The following CSMD3 variants were observed in gnomAD, a reference collection of about 807,000 sequenced individuals.
CSMD3 encodes CUB and sushi domain-containing protein 3.
CSMD3 carries 177 observed loss-of-function variants against 435.2 expected under a neutral mutation model. That is an observed-to-expected ratio of 0.41 (90% CI 0.36 to 0.46). The LOEUF (loss-of-function observed/expected upper bound fraction) is 0.46, where lower values mean the gene tolerates loss of function less well. Ranked by LOEUF, CSMD3 falls within the 20% of genes least tolerant of loss-of-function variation. The pLI is 0.34. For synonymous variants in CSMD3, 1,656 were observed against 1,520.5 expected, an observed-to-expected ratio of 1.09 and a Z score of -2.07; for missense variants, 4,265 against 4,504.6, an observed-to-expected ratio of 0.95 and a Z score of 1.52.
At chr8:112,771,992 AG>A (rs1417468869) in intron 13 of CSMD3, among the ~76,000 whole-genome samples, 1 of 152,092 alleles carries the variant, frequency 6.6e-6, no homozygotes, top group East Asian at 1.9e-4. Context: ...TCCTTGAATC[AG>A]AAATATAAAT....
chr8:113,423,437 A>G (rs1345024043), intron 1 of CSMD3, among the ~76,000 whole-genome samples: 1 of 152,026 alleles, frequency 6.6e-6, no homozygotes, highest in Non-Finnish European at 1.5e-5. Flanking sequence ...AGTCCATGTT[A>G]TGATATTGCT....
chr8:112,322,393 C>A (rs1823083394), intron 45 of CSMD3, among the ~76,000 whole-genome samples: 1 of 151,968 alleles, frequency 6.6e-6, no homozygotes, highest in Non-Finnish European at 1.5e-5. Context: ...GAGCTAATGT[C>A]TTATTCTCTG....
rs1338603195 is a variant in CSMD3 at position 112,518,328 on chromosome 8, C to T, written c.4565-1103G>A. On this transcript the variant is annotated intron_variant, in intron 27 of 70. Transcript: ENST00000297405. ...CCAGCCTGGGCAACTAAGTGAGACT[C>T]TGTCTCTAGAAAAAATTAAAAAAAA... is the stretch of plus-strand genomic sequence containing the variant. 2.0e-5 allele frequency among the ~76,000 whole-genome samples: 3 copies of T among 151,382 alleles called. No individual in the cohort carries two copies. The East Asian group carries it at 5.9e-4, about 30-fold the overall frequency.
intron 1 of CSMD3, among the ~76,000 whole-genome samples, chr8:113,400,846 G>C (rs1464400229): frequency 2.0e-5 from 3 of 151,842 alleles, no homozygotes; most frequent in Admixed American, 6.6e-5. Flanking sequence ...CTGAAAATTG[G>C]GTAGAGTTAT....
intron 9 of CSMD3, among the ~76,000 whole-genome samples, chr8:112,929,141 T>G (rs1255024708): frequency 6.8e-6 from 1 of 147,512 alleles, no homozygotes; most frequent in Non-Finnish European, 1.5e-5. Context: ...GGTTGTTTGT[T>G]TTTTCTTGTA....
intron 3 of CSMD3, among the ~76,000 whole-genome samples, chr8:113,255,460 TTA>T (rs2093371775): frequency 6.6e-6 from 1 of 152,082 alleles, no homozygotes; most frequent in African/African-American, 2.4e-5. Context: ...ATACAAAATT[TTA>T]TAGAAAAATA....
intron 5 of CSMD3, among the ~76,000 whole-genome samples, chr8:113,020,368 C>T (rs951302986): frequency 6.6e-6 from 1 of 151,952 alleles, no homozygotes; most frequent in Non-Finnish European, 1.5e-5. Flanking sequence ...AACTATGCTC[C>T]AGATATTGGT....
At chr8:112,602,368 C>G (rs1320966140) in intron 22 of CSMD3, among the ~76,000 whole-genome samples, 12 of 152,086 alleles carry the variant, frequency 7.9e-5, no homozygotes, top group Non-Finnish European at 1.8e-4. Context: ...GAGTCCGAGA[C>G]CAGCCTGGCC....
intron 32 of CSMD3, among the ~76,000 whole-genome samples, chr8:112,430,799 A>G (rs1813591866): frequency 1.3e-5 from 2 of 152,048 alleles, no homozygotes; most frequent in South Asian, 2.1e-4. Context: ...AAAATGTAAT[A>G]TGGAGCCACA....
At chr8:112,958,921 A>T (rs1278930885) in intron 7 of CSMD3, among the ~76,000 whole-genome samples, 1 of 152,136 alleles carries the variant, frequency 6.6e-6, no homozygotes. Flanking sequence ...TAGGTGTAGT[A>T]GAAGGAATTT....
intron 5 of CSMD3, among the ~76,000 whole-genome samples, chr8:113,061,860 A>G (rs533642996): frequency 9.6e-4 from 145 of 151,562 alleles, no homozygotes; most frequent in Non-Finnish European, 1.7e-3. Context: ...CCATTCACTA[A>G]TCTTATGATA....
At chr8:112,360,208 T>G (rs1047900739) in intron 38 of CSMD3, among the ~76,000 whole-genome samples, 23 of 152,008 alleles carry the variant, frequency 1.5e-4, no homozygotes, top group African/African-American at 5.6e-4. Context: ...TCATTCTCAC[T>G]GAGAAGGCCA....
chr8:113,362,369 G>A (rs1225877177), intron 1 of CSMD3, among the ~76,000 whole-genome samples: 2 of 152,088 alleles, frequency 1.3e-5, no homozygotes, highest in Non-Finnish European at 2.9e-5. Context: ...ATTTCCGGTT[G>A]GGGAACCTCC....
chr8:112,488,045 A>G (rs971489625), intron 31 of CSMD3, among the ~76,000 whole-genome samples: 1 of 152,332 alleles, frequency 6.6e-6, no homozygotes, highest in Middle Eastern at 3.4e-3. Context: ...TTTAATATAT[A>G]TGACAATATC....
At chr8:112,392,695 A>C (rs9649933) in intron 35 of CSMD3, among the ~76,000 whole-genome samples, 69,004 of 151,130 alleles carry the variant, frequency 0.46, 16,295 homozygotes, top group Middle Eastern at 0.6. Flanking sequence ...ACATTAATCA[A>C]ATAAGTGGCC....
intron 38 of CSMD3, among the ~76,000 whole-genome samples, chr8:112,361,941 T>C (rs1217941259): frequency 6.6e-6 from 1 of 151,828 alleles, no homozygotes; most frequent in Non-Finnish European, 1.5e-5. Context: ...TTCTCTAAAT[T>C]GTGGATACAA....
chr8:113,076,289 C>T (rs1259973799), intron 5 of CSMD3, among the ~76,000 whole-genome samples: 2 of 151,726 alleles, frequency 1.3e-5, no homozygotes, highest in East Asian at 1.9e-4. Context: ...TGTCATTACA[C>T]TTGTTCATAA....
chr8:112,727,172 T>C (rs2076983814), intron 13 of CSMD3, among the ~76,000 whole-genome samples: 1 of 151,882 alleles, frequency 6.6e-6, no homozygotes, highest in Non-Finnish European at 1.5e-5. Context: ...TTTCCTGATT[T>C]GTATCATATA....
intron 3 of CSMD3, among the ~76,000 whole-genome samples, chr8:113,277,253 T>G (rs1588427694): frequency 6.6e-6 from 1 of 151,968 alleles, no homozygotes; most frequent in African/African-American, 2.4e-5. Flanking sequence ...ATAAAGAATA[T>G]TCAACTATTG....
Sources: allele counts gnomAD v4.1 joint callset (sites outside exome capture counted in the v4.1 genomes callset), GRCh38; gene constraint gnomAD v4.1.1; transcripts MANE v1.5; gene names NCBI Gene and HGNC (gene_info 2026-07-23, HGNC 2026-07-21).